NLRC5: variants seen among roughly 807,000 people sequenced by gnomAD.
NLRC5 encodes the protein NLR family CARD domain containing 5.
A neutral mutation model predicts 206.9 loss-of-function variants in NLRC5; 114 were observed. The observed-to-expected ratio is 0.55, with a 90% confidence interval of 0.47 to 0.64. The LOEUF (loss-of-function observed/expected upper bound fraction) is 0.64, where lower values mean the gene tolerates loss of function less well. NLRC5 is among the 30% of genes least tolerant of loss of function. The pLI is 0.00. For synonymous variants in NLRC5, 952 were observed against 962.8 expected (o/e 0.99, Z 0.21); for missense variants, 2,008 against 2,305.5 (o/e 0.87, Z 2.64).
chr16:57,050,545 A>G (rs371579012), intron 23 of NLRC5, among the ~76,000 whole-genome samples: 1 of 152,124 alleles, frequency 6.6e-6, no homozygotes, highest in Non-Finnish European at 1.5e-5. Context: ...AGAACATAGT[A>G]GAGGTCTGCG....
rs2068621157 is a variant in NLRC5 at position 57,078,021 on chromosome 16, G to A, written c.5081+1G>A. 1 of 1,595,690 alleles carries A rather than the reference G, an allele frequency of 6.3e-7. No individual in the cohort carries two copies. Among genetic ancestry groups the A allele is most frequent in the African/African-American group, 1.3e-5 (1 of 74,774 alleles). ...TGCCCCAGCACCTGAGGGTCCTACAGTGAGTGGCCCCCTGCCCATACCATG... is the reference window on the plus strand; with the variant it reads ...TGCCCCAGCACCTGAGGGTCCTACAATGAGTGGCCCCCTGCCCATACCATG... On this transcript the variant is annotated splice_donor_variant, in intron 43 of 48. Transcript: ENST00000688547. LOFTEE classifies it high-confidence loss of function.
intron 36 of NLRC5, among the ~76,000 whole-genome samples, chr16:57,068,300 G>A (rs1301072668): frequency 1.3e-5 from 2 of 152,064 alleles, no homozygotes; most frequent in South Asian, 2.1e-4. Context: ...GCATGGTGGT[G>A]CATGCCTGTA....
chr16:57,072,317 T>C (rs2067884034), intron 38 of NLRC5, among the ~76,000 whole-genome samples: 1 of 152,182 alleles, frequency 6.6e-6, no homozygotes, highest in Non-Finnish European at 1.5e-5. Flanking sequence ...CTGGACTAGC[T>C]TGAGTCACCT....
intron 1 of NLRC5, among the ~76,000 whole-genome samples, chr16:57,007,221 A>G (rs369131446): frequency 1.3e-5 from 2 of 152,260 alleles, no homozygotes; most frequent in South Asian, 2.1e-4. Context: ...GTTGGTCACT[A>G]TGTATGCAAA....
chr16:57,082,556 G>A lies in NLRC5; in HGVS notation c.*28G>A, dbSNP rs773640140. 1.3e-6 allele frequency: 2 copies of A among 1,490,944 alleles called. No homozygotes were observed. The highest frequency in any genetic ancestry group is 2.3e-5 in the East Asian group (1 of 43,906). 92.4% of individuals were successfully genotyped at this position (1,490,944 alleles called of 1,614,324 possible). ...GCCCCCTCAAGACCTTTGGAATCCA[G>A]CCAAGTGATGCACCCAAATGATCCA... On this transcript the variant is annotated 3_prime_UTR_variant, in exon 49 of 49. Coordinates refer to ENST00000688547, the MANE Select transcript of NLRC5 (RefSeq NM_001384950.1).
At chr16:57,051,750 C>A (rs543744549) in intron 24 of NLRC5, 129 bp downstream of exon 24, 1 of 658,208 alleles carries the variant, frequency 1.5e-6, no homozygotes, top group Non-Finnish European at 2.7e-6. Context: ...CCCCTCTACC[C>A]GCTCCATTCT....
rs1299102811 is a variant in NLRC5, at chr16:57,083,309, A to G, written c.*781A>G. The G allele has an allele frequency of 6.6e-6, 1 of 152,250 alleles. No individual in the cohort carries two copies. The highest frequency in any genetic ancestry group is 1.5e-5 in the Non-Finnish European group (1 of 68,070). The allele number at this position is 152,250 out of a possible 1,614,324, so 9.4% of individuals were successfully genotyped here. A position where few individuals can be genotyped will look rare whatever the true frequency, so the allele number is the denominator to read the frequency against. On this transcript the variant is annotated 3_prime_UTR_variant, in exon 49 of 49. Transcript: ENST00000688547. ...TGGAGAAGCCCAGTCTGTCCTATGT[A>G]AGGGACAAAGCCAGGTCTAATGGTA...
Position 57,074,595 on chromosome 16 carries a change from T to G in NLRC5, c.4668-5T>G. On this transcript the variant is annotated splice_polypyrimidine_tract_variant and splice_region_variant and intron_variant, in intron 38 of 48. Transcript: ENST00000688547. ...GTCAAGTTCACCTGGCCTCCTCTTC[T>G]CCAGCCTCAGTCACCTTCTGCTGAA... is the stretch of plus-strand genomic sequence containing the variant. 2 of 1,613,696 alleles carry G rather than the reference T, an allele frequency of 1.2e-6. No individual in the cohort carries two copies. The highest frequency in any genetic ancestry group is 2.2e-5 in the South Asian group (2 of 91,072).
chr16:57,025,816 CT>C lies in NLRC5; in HGVS notation c.875del (p.Phe292SerfsTer13). 1 of 1,614,272 alleles carries C rather than the reference CT, an allele frequency of 6.2e-7. No individual in the cohort carries two copies. Among genetic ancestry groups the C allele is most frequent in the Non-Finnish European group, 8.5e-7 (1 of 1,180,046 alleles). ...GCCCTGAATCGGACCACGACACTGT[CT>C]TCCAGTACCTGGAGAAGAACGCTGA... The part of the protein sequence containing the change: ...LSPESDHDTV[F>X]QYLEKNADQV... On this transcript the variant is annotated frameshift_variant, in exon 6 of 49. Coordinates refer to ENST00000688547, the MANE Select transcript of NLRC5 (RefSeq NM_001384950.1). LOFTEE classifies it high-confidence loss of function.
At chr16:57,059,350 C>A in intron 29 of NLRC5, 117 bp from the exon 30 acceptor site, 1 of 1,494,170 alleles carries the variant, frequency 6.7e-7, no homozygotes, top group Non-Finnish European at 8.9e-7. Context: ...GGCCTCCATC[C>A]TCCCTTGTCC....
At chr16:57,015,694 G>A (rs1461252633) in intron 1 of NLRC5, among the ~76,000 whole-genome samples, 3 of 151,874 alleles carry the variant, frequency 2.0e-5, no homozygotes, top group African/African-American at 4.8e-5. Context: ...TTGGGAGGCC[G>A]AGGCGGGCAG....
At position 57,083,156 on chromosome 16, in the gene NLRC5, A is replaced by G. The variant is rs2069336688; in HGVS notation, c.*628A>G. ...AAGGGCCAGGGCTCTGGAACAAGCCAGGGACTCAGCCATTAAGTCCCCTCC... is the reference window on the plus strand; with the variant it reads ...AAGGGCCAGGGCTCTGGAACAAGCCGGGGACTCAGCCATTAAGTCCCCTCC... On this transcript the variant is annotated 3_prime_UTR_variant, in exon 49 of 49. Coordinates refer to ENST00000688547, the MANE Select transcript of NLRC5 (RefSeq NM_001384950.1). 1 of 152,372 alleles carries G rather than the reference A, an allele frequency of 6.6e-6. No homozygotes were observed. The highest frequency in any genetic ancestry group is 1.5e-5 in the Non-Finnish European group (1 of 68,160). 9.4% of individuals were successfully genotyped at this position (152,372 alleles called of 1,614,324 possible).
At chr16:56,998,050 C>A (rs1168592054) in intron 1 of NLRC5, among the ~76,000 whole-genome samples, 1 of 152,096 alleles carries the variant, frequency 6.6e-6, no homozygotes, top group Non-Finnish European at 1.5e-5. Flanking sequence ...AAGGCTCTAG[C>A]CGTCTAGCCC....
chr16:57,001,121 C>T (rs1321506150), intron 1 of NLRC5, among the ~76,000 whole-genome samples: 14 of 152,192 alleles, frequency 9.2e-5, no homozygotes, highest in African/African-American at 2.9e-4. Context: ...CTCTGTGTCC[C>T]CCTGGTAGGG....
chr16:57,057,313 A>T (rs971822474), intron 27 of NLRC5, among the ~76,000 whole-genome samples: 7 of 152,220 alleles, frequency 4.6e-5, no homozygotes, highest in Non-Finnish European at 8.8e-5. Context: ...AATCCCAGCT[A>T]CTTGGGAGGC....
intron 30 of NLRC5, among the ~76,000 whole-genome samples, chr16:57,060,533 C>T (rs1322448746): frequency 2.0e-5 from 3 of 151,736 alleles, no homozygotes; most frequent in Non-Finnish European, 4.4e-5. Flanking sequence ...ACACCACACA[C>T]ACCACACAAT....
chr16:57,060,446 A>G (rs1228687319), intron 30 of NLRC5, among the ~76,000 whole-genome samples: 1 of 151,610 alleles, frequency 6.6e-6, no homozygotes, highest in Non-Finnish European at 1.5e-5. Context: ...CGCAGCACAC[A>G]CAACACACGC....
At chr16:57,015,264 T>C (rs1328418397) in intron 1 of NLRC5, among the ~76,000 whole-genome samples, 1 of 152,142 alleles carries the variant, frequency 6.6e-6, no homozygotes, top group East Asian at 1.9e-4. Flanking sequence ...AATCCCATCA[T>C]AAGGGGTCCA....
chr16:57,069,886 G>T lies in NLRC5; in HGVS notation c.4550G>T (p.Gly1517Val). ...GAGGGCCTCGCCCACCTGGCATCTG[G>T]TCTGGGCCACTGCCACCACTTGGAG... ...STEGLAHLAS[G>V]LGHCHHLEEL... Residue 1517 changes from glycine to valine, a missense_variant, in exon 37 of 49, where the codon GGT (glycine) becomes GTT (valine). Transcript: ENST00000688547. 1 of 1,593,518 alleles carries T rather than the reference G, an allele frequency of 6.3e-7. No homozygotes were observed. Among genetic ancestry groups the T allele is most frequent in the South Asian group, 1.1e-5 (1 of 87,932 alleles).
Sources: allele counts gnomAD v4.1 joint callset (sites outside exome capture counted in the v4.1 genomes callset), GRCh38; gene constraint gnomAD v4.1.1; transcripts MANE v1.5; gene names NCBI Gene and HGNC (gene_info 2026-07-23, HGNC 2026-07-21).